Variants in PCDHGA9 observed in about 807,000 individuals in gnomAD.
PCDHGA9 encodes the protein protocadherin gamma-A9.
Under a neutral mutation model 62.5 loss-of-function variants are expected in PCDHGA9, and 37 were observed. The ratio of observed to expected loss-of-function variants is 0.59; its 90% CI spans 0.46 to 0.78. The LOEUF (loss-of-function observed/expected upper bound fraction) is 0.78. Among genes scored for constraint, PCDHGA9 ranks in the 30% least tolerant of loss-of-function variants. The pLI is 0.00. For missense variants in PCDHGA9, 1,138 were observed against 1,166.2 expected, an observed-to-expected ratio of 0.98 and a Z score of 0.35; for synonymous variants, 459 against 484.6, an observed-to-expected ratio of 0.95 and a Z score of 0.69.
At chr5:141,423,076 C>A in intron 1 of PCDHGA9, 1 of 1,614,128 alleles carries the variant, frequency 6.2e-7, no homozygotes, top group Non-Finnish European at 8.5e-7. Context: ...CGAGCCGGGA[C>A]TCTTCGCGGT....
rs914637211 is a variant in PCDHGA9, at chr5:141,422,245, G to C, written c.2424+16869G>C. The C allele has an allele frequency of 2.2e-5, 34 of 1,566,540 alleles. No individual in the cohort carries two copies. Among genetic ancestry groups the C allele is most frequent in the Non-Finnish European group, 2.8e-5 (32 of 1,162,588 alleles). On this transcript the variant is annotated intron_variant, in intron 1 of 3. Coordinates refer to ENST00000573521, the MANE Select transcript of PCDHGA9 (RefSeq NM_018921.3). ...CACGACGATGTTGATCACTGTTGTG[G>C]ATGTGAATGATAACGCTCCAGAAAT...
At chr5:141,410,675 T>A in intron 1 of PCDHGA9, 1 of 1,551,642 alleles carries the variant, frequency 6.4e-7, no homozygotes, top group Non-Finnish European at 8.6e-7. Context: ...GTTTCTCATA[T>A]TTTAGGCATA....
rs1199102847 is a variant in PCDHGA9, at chr5:141,477,997, A to G, written c.2425-16810A>G. 2 of 1,614,112 alleles carry G rather than the reference A, an allele frequency of 1.2e-6. No individual in the cohort carries two copies. Among genetic ancestry groups the G allele is most frequent in the Non-Finnish European group, 1.7e-6 (2 of 1,180,016 alleles). On this transcript the variant is annotated intron_variant, in intron 1 of 3. Coordinates refer to ENST00000573521, the MANE Select transcript of PCDHGA9 (RefSeq NM_018921.3). This position sits in a 1 kb window ranked among gnomAD's most constrained non-coding sequence, Gnocchi z 4.9. ...TTGCCATAGGGCTGCACACTGGTCAAATCAGTACTGCCCGTCCAGTCCAAG... is the reference window on the plus strand; with the variant it reads ...TTGCCATAGGGCTGCACACTGGTCAGATCAGTACTGCCCGTCCAGTCCAAG...
rs1036281905 is a variant in PCDHGA9 at position 141,493,555 on chromosome 5, T to C, written c.2425-1252T>C. ...GCCAGTTATCCTTTTGGAGATTGAG[T>C]TCCCCCAGCTCCGTTTCCTCCTATC... On this transcript the variant is annotated intron_variant, in intron 1 of 3. Transcript: ENST00000573521. This position sits in a 1 kb window ranked among gnomAD's most constrained non-coding sequence, Gnocchi z 4.3. Among the ~76,000 whole-genome samples, 3 of 152,012 alleles carry C rather than the reference T, an allele frequency of 2.0e-5. No individual in the cohort carries two copies. Among genetic ancestry groups the C allele is most frequent in the African/African-American group, 7.3e-5 (3 of 41,362 alleles).
intron 1 of PCDHGA9, among the ~76,000 whole-genome samples, chr5:141,435,715 A>G (rs528951395): frequency 6.6e-6 from 1 of 152,328 alleles, no homozygotes; most frequent in African/African-American, 2.4e-5. Context: ...ACAGACACTG[A>G]ATGCTAAAGT....
chr5:141,499,089 A>G (rs1417307590), intron 2 of PCDHGA9, among the ~76,000 whole-genome samples: 2 of 152,116 alleles, frequency 1.3e-5, no homozygotes, highest in Non-Finnish European at 1.5e-5. Context: ...CCTGCTTGGC[A>G]CATGCTTCTC....
intron 1 of PCDHGA9, chr5:141,427,524 C>T (rs1421119651): frequency 1.6e-6 from 1 of 610,726 alleles, no homozygotes; most frequent in South Asian, 1.5e-5. Flanking sequence ...GGAGCGGATC[C>T]CGGAGTACAA....
Position 141,490,526 on chromosome 5 carries a change from C to T in PCDHGA9, c.2425-4281C>T, listed in dbSNP as rs1270447529. 6.2e-7 allele frequency: 1 copy of T among 1,614,116 alleles called. No homozygotes were observed. Among genetic ancestry groups the T allele is most frequent in the Non-Finnish European group, 8.5e-7 (1 of 1,180,008 alleles). ...ATCATCGAGCTGCTGGCCAGCGATGCTGGTTCACCTTCCCTACACAAACAT... is the reference window on the plus strand; with the variant it reads ...ATCATCGAGCTGCTGGCCAGCGATGTTGGTTCACCTTCCCTACACAAACAT... On this transcript the variant is annotated intron_variant, in intron 1 of 3. Coordinates refer to ENST00000573521, the MANE Select transcript of PCDHGA9 (RefSeq NM_018921.3). The surrounding 1 kb of genome is among the most constrained non-coding windows in gnomAD (Gnocchi z 5.4).
Position 141,489,606 on chromosome 5 carries a change from G to A in PCDHGA9, c.2425-5201G>A. The stretch of plus-strand genomic sequence containing the variant: ...TGGAGCTAATCCGTGTAGAGGTAGA[G>A]ATCCTGGATCTCAATGACAACTCTC... On this transcript the variant is annotated intron_variant, in intron 1 of 3. Coordinates refer to ENST00000573521, the MANE Select transcript of PCDHGA9 (RefSeq NM_018921.3). This position sits in a 1 kb window ranked among gnomAD's most constrained non-coding sequence, Gnocchi z 4.5. The A allele has an allele frequency of 6.2e-7, 1 of 1,614,110 alleles. No homozygotes were observed.
chr5:141,472,009 G>A (rs917861040), intron 1 of PCDHGA9, among the ~76,000 whole-genome samples: 11 of 152,074 alleles, frequency 7.2e-5, no homozygotes, highest in African/African-American at 2.7e-4. Flanking sequence ...TCGTATAGGG[G>A]CACTATATTG....
In PCDHGA9 at chr5:141,477,294, C is replaced by G. The variant is rs753131175; in HGVS notation, c.2425-17513C>G. On this transcript the variant is annotated intron_variant, in intron 1 of 3. Coordinates refer to ENST00000573521, the MANE Select transcript of PCDHGA9 (RefSeq NM_018921.3). This position sits in a 1 kb window ranked among gnomAD's most constrained non-coding sequence, Gnocchi z 4.9. ...GGGCTGGTGACCTGCGAAGTTCCACCGGGTCTCCCTTTCAGCCTTACTTCT... is the reference window on the plus strand; with the variant it reads ...GGGCTGGTGACCTGCGAAGTTCCACGGGGTCTCCCTTTCAGCCTTACTTCT... The G allele has an allele frequency of 2.1e-5, 34 of 1,614,024 alleles. No individual in the cohort carries two copies. Among genetic ancestry groups the G allele is most frequent in the Non-Finnish European group, 2.9e-5 (34 of 1,180,036 alleles).
At chr5:141,496,581 C>T (rs868326584) in intron 2 of PCDHGA9, among the ~76,000 whole-genome samples, 9 of 152,134 alleles carry the variant, frequency 5.9e-5, no homozygotes, top group African/African-American at 1.9e-4. Flanking sequence ...ATTTTAGGAA[C>T]GCAAAGCGCT....
chr5:141,476,271 C>T lies in PCDHGA9; in HGVS notation c.2425-18536C>T. Reference sequence around the variant, plus strand: ...GGTTTCGCTGTGGGCAACGTGGTCGCGAACCTTGGTTTGGATCTCGGTAGC... The same window carrying T: ...GGTTTCGCTGTGGGCAACGTGGTCGTGAACCTTGGTTTGGATCTCGGTAGC... On this transcript the variant is annotated intron_variant, in intron 1 of 3. Coordinates refer to ENST00000573521, the MANE Select transcript of PCDHGA9 (RefSeq NM_018921.3). This position sits in a 1 kb window ranked among gnomAD's most constrained non-coding sequence, Gnocchi z 7.6. 4 of 1,613,892 alleles carry T rather than the reference C, an allele frequency of 2.5e-6. No homozygotes were observed. The highest frequency in any genetic ancestry group is 3.4e-6 in the Non-Finnish European group (4 of 1,179,974).
rs369793035 is a variant in PCDHGA9, at chr5:141,408,762, A to T, written c.2424+3386A>T. 57 of 1,610,942 alleles carry T rather than the reference A, an allele frequency of 3.5e-5. No homozygotes were observed. The highest frequency in any genetic ancestry group is 4.6e-5 in the Non-Finnish European group (54 of 1,178,454). On this transcript the variant is annotated intron_variant, in intron 1 of 3. Transcript: ENST00000573521. ...TCATTAATGGTTAGAGTTAATTCCG[A>T]TGGTGGCAAATACCCAGAGTTATCT...
chr5:141,413,217 C>A (rs762828191), intron 1 of PCDHGA9: 8 of 1,613,184 alleles, frequency 5.0e-6, no homozygotes, highest in African/African-American at 1.3e-5. Context: ...CAAAGGATTG[C>A]AGCGGGCTGG....
At chr5:141,441,638 G>A (rs1456506194) in intron 1 of PCDHGA9, 2 of 226,008 alleles carry the variant, frequency 8.8e-6, no homozygotes, top group Non-Finnish European at 1.8e-5. Flanking sequence ...AGCCACAGGC[G>A]CTGTGATTCT....
At chr5:141,430,808 G>A in intron 1 of PCDHGA9, 1 of 1,526,682 alleles carries the variant, frequency 6.6e-7, no homozygotes, top group East Asian at 2.3e-5. Flanking sequence ...TGTCCTGCTG[G>A]GAATCCTCCT....
At chr5:141,421,461 G>C (rs1216014695) in intron 1 of PCDHGA9, 2 of 1,614,034 alleles carry the variant, frequency 1.2e-6, no homozygotes, top group Non-Finnish European at 8.5e-7. Context: ...TTTTCGCTGT[G>C]AATCCGCGAA....
At position 141,505,479 on chromosome 5, in the gene PCDHGA9, G is replaced by A; in HGVS notation, c.2570G>A (p.Ser857Asn). 1 of 1,614,228 alleles carries A rather than the reference G, an allele frequency of 6.2e-7. No homozygotes were observed. The highest frequency in any genetic ancestry group is 8.5e-7 in the Non-Finnish European group (1 of 1,180,018). Residue 857 changes from serine to asparagine, a missense_variant and splice_region_variant, in exon 3 of 4, where the codon AGT (serine) becomes AAT (asparagine). Ser to Asn is a conservative substitution (Grantham distance 46, BLOSUM62 1). Coordinates refer to ENST00000573521, the MANE Select transcript of PCDHGA9 (RefSeq NM_018921.3). Reference sequence around the variant, plus strand: ...CAAGCCATGATCTTGGCGTCCGCCAGTGGTAAGTGGTGTCAGTGTGTGTAT... The same window carrying A: ...CAAGCCATGATCTTGGCGTCCGCCAATGGTAAGTGGTGTCAGTGTGTGTAT... Reference protein sequence around the residue: ...MLQAMILASASEAADGSSTLG... With the variant: ...MLQAMILASANEAADGSSTLG...
Sources: allele counts gnomAD v4.1 joint callset (sites outside exome capture counted in the v4.1 genomes callset), GRCh38; gene constraint gnomAD v4.1.1; non-coding constraint Gnocchi (gnomAD v3.1); transcripts MANE v1.5; gene names NCBI Gene and HGNC (gene_info 2026-07-23, HGNC 2026-07-21).